The following ZNF804B variants were observed in gnomAD, a reference collection of about 807,000 sequenced individuals.
ZNF804B encodes the protein zinc finger 804B.
In ZNF804B, 80 loss-of-function variants were observed where a neutral mutation model predicts 101.4. The observed-to-expected ratio is 0.79, with a 90% CI of 0.66 to 0.95. The LOEUF (loss-of-function observed/expected upper bound fraction) is 0.95. Among genes scored for constraint, ZNF804B ranks in the 40% least tolerant of loss-of-function variants. ZNF804B has a pLI of 0.00. For synonymous variants in ZNF804B, 622 were observed against 558.8 expected (o/e 1.11, Z -1.59); for missense variants, 1,673 against 1,561.9 (o/e 1.07, Z -1.20).
intron 1 of ZNF804B, among the ~76,000 whole-genome samples, chr7:88,829,170 G>A (rs1791093684): frequency 6.6e-6 from 1 of 152,046 alleles, no homozygotes; most frequent in Non-Finnish European, 1.5e-5. Flanking sequence ...CTGTAGCCTT[G>A]AACTCCTGTG....
At chr7:89,158,030 A>G (rs969931120) in intron 1 of ZNF804B, among the ~76,000 whole-genome samples, 1 of 152,170 alleles carries the variant, frequency 6.6e-6, no homozygotes, top group Non-Finnish European at 1.5e-5. Context: ...ATGTATGTTA[A>G]TTTCAGGAAG....
chr7:89,182,488 C>G (rs1188495574), intron 1 of ZNF804B, among the ~76,000 whole-genome samples: 1 of 152,096 alleles, frequency 6.6e-6, no homozygotes, highest in South Asian at 2.1e-4. Context: ...TGCTGTTGAC[C>G]AACACTCTTG....
intron 1 of ZNF804B, among the ~76,000 whole-genome samples, chr7:89,156,414 C>T (rs906544079): frequency 2.6e-5 from 4 of 152,234 alleles, no homozygotes; most frequent in South Asian, 2.1e-4. Context: ...TGCACCTGGC[C>T]GACCACCTCT....
intron 1 of ZNF804B, among the ~76,000 whole-genome samples, chr7:89,056,419 G>T (rs73707737): frequency 6.6e-6 from 1 of 152,012 alleles, no homozygotes; most frequent in South Asian, 2.1e-4. Context: ...AGTTGAAAAC[G>T]GGGTTTGAGG....
intron 1 of ZNF804B, among the ~76,000 whole-genome samples, chr7:88,890,960 C>T (rs929655068): frequency 2.0e-5 from 3 of 152,064 alleles, no homozygotes; most frequent in African/African-American, 7.2e-5. Context: ...CAGTTCTCAT[C>T]AACTGACATA....
intron 1 of ZNF804B, among the ~76,000 whole-genome samples, chr7:88,816,061 A>G (rs1790870943): frequency 6.6e-6 from 1 of 152,036 alleles, no homozygotes; most frequent in Non-Finnish European, 1.5e-5. Flanking sequence ...TTTTGGCAGG[A>G]TATCCTCCGC....
intron 1 of ZNF804B, among the ~76,000 whole-genome samples, chr7:88,855,732 T>A (rs1791545609): frequency 6.6e-6 from 1 of 152,192 alleles, no homozygotes; most frequent in South Asian, 2.1e-4. Context: ...GTTTGTATGG[T>A]TTTAGGTCTA....
chr7:89,247,192 G>A (rs1029296685), intron 2 of ZNF804B, among the ~76,000 whole-genome samples: 1 of 152,198 alleles, frequency 6.6e-6, no homozygotes, highest in Non-Finnish European at 1.5e-5. Context: ...ATTCTCCTTT[G>A]ACACTGATGT....
chr7:88,938,430 A>G (rs1793005401), intron 1 of ZNF804B, among the ~76,000 whole-genome samples: 1 of 152,056 alleles, frequency 6.6e-6, no homozygotes, highest in Admixed American at 6.6e-5. Flanking sequence ...TTGCGGGGCT[A>G]TTTCAAAATA....
intron 1 of ZNF804B, among the ~76,000 whole-genome samples, chr7:88,765,041 A>G (rs1444255042): frequency 6.6e-6 from 1 of 152,120 alleles, no homozygotes; most frequent in Non-Finnish European, 1.5e-5. Flanking sequence ...CTTTTTAGTT[A>G]GCACCTATGC....
intron 1 of ZNF804B, among the ~76,000 whole-genome samples, chr7:88,910,660 C>T (rs1792535396): frequency 1.3e-5 from 2 of 151,840 alleles, no homozygotes; most frequent in Admixed American, 1.3e-4. Flanking sequence ...CATGTTCCTT[C>T]TCCACATTTA....
chr7:89,090,211 C>A (rs1311232267), intron 1 of ZNF804B, among the ~76,000 whole-genome samples: 5 of 151,952 alleles, frequency 3.3e-5, no homozygotes, highest in Non-Finnish European at 5.9e-5. Context: ...AGAATAAAAA[C>A]TTCACTGGGA....
intron 2 of ZNF804B, among the ~76,000 whole-genome samples, chr7:89,279,679 G>T (rs1205499930): frequency 6.6e-6 from 1 of 152,120 alleles, no homozygotes; most frequent in African/African-American, 2.4e-5. Context: ...TGTTGAACCA[G>T]CCTTGCATCC....
At chr7:88,954,915 T>C (rs1333841102) in intron 1 of ZNF804B, among the ~76,000 whole-genome samples, 2 of 151,594 alleles carry the variant, frequency 1.3e-5, no homozygotes, top group East Asian at 2.0e-4. Context: ...ACAGGAATTA[T>C]TAAGTATAGC....
chr7:88,780,023 G>T (rs1790198677), intron 1 of ZNF804B, among the ~76,000 whole-genome samples: 1 of 151,826 alleles, frequency 6.6e-6, no homozygotes, highest in Non-Finnish European at 1.5e-5. Context: ...GTAAAATTTG[G>T]GTATATACAT....
intron 1 of ZNF804B, among the ~76,000 whole-genome samples, chr7:88,976,541 C>G (rs116582483): frequency 6.6e-6 from 1 of 151,422 alleles, no homozygotes; most frequent in Non-Finnish European, 1.5e-5. Context: ...TCAGACTGTT[C>G]GTCGCTGGCA....
rs368697789 is a variant in ZNF804B at position 89,335,116 on chromosome 7, T to C, written c.2134T>C (p.Leu712=). 636 of 1,613,862 alleles carry C rather than the reference T, an allele frequency of 3.9e-4. 7 individuals are homozygous for C. The Middle Eastern group carries it at 5.6e-3, about 14-fold the overall frequency. Residue 712 remains leucine (L), a synonymous_variant, in exon 4 of 4, where the codon TTG becomes CTG. Coordinates refer to ENST00000333190, the MANE Select transcript of ZNF804B (RefSeq NM_181646.5). The part of the protein sequence containing the change: ...QSCLSRYSSS[L]DTSPSSMSSL... ...ATGTTTGAGTAGATATTCTTCCTCT[T>C]TGGACACATCCCCTAGCAGCATGTC... is the stretch of plus-strand genomic sequence containing the variant.
intron 1 of ZNF804B, among the ~76,000 whole-genome samples, chr7:89,169,190 C>T (rs922547487): frequency 8.5e-5 from 13 of 152,074 alleles, no homozygotes; most frequent in African/African-American, 3.1e-4. Flanking sequence ...TGGGGAACAG[C>T]AGTGGTGGAC....
intron 1 of ZNF804B, among the ~76,000 whole-genome samples, chr7:89,176,566 C>CT (rs1264419415): frequency 1.7e-4 from 9 of 52,292 alleles, no homozygotes; most frequent in African/African-American, 3.1e-4. Flanking sequence ...TCTTTCTTTT[C>CT]TTTTTTTTCT....
Sources: gnomAD v4.1 joint callset for allele counts (sites outside exome capture counted in the v4.1 genomes callset) on GRCh38, gnomAD v4.1.1 for gene constraint, MANE v1.5 for transcripts, NCBI Gene and HGNC (gene_info 2026-07-23, HGNC 2026-07-21) for gene names.